PDXK: variants seen among roughly 807,000 people sequenced by gnomAD.
The protein encoded by PDXK is epididymis secretory sperm binding protein Li 1a.
In PDXK, 15 loss-of-function variants were observed where a neutral mutation model predicts 43.2. The ratio of observed to expected loss-of-function variants is 0.35; its 90% confidence interval spans 0.23 to 0.53. PDXK has a LOEUF of 0.53. Ranked by LOEUF, PDXK falls within the 20% of genes least tolerant of loss-of-function variation. The pLI, the probability that PDXK is intolerant of heterozygous loss-of-function variation, is 0.92. For missense variants in PDXK, 343 were observed against 417.0 expected, an observed-to-expected ratio of 0.82 and a Z score of 1.54; for synonymous variants, 172 against 165.4, an observed-to-expected ratio of 1.04 and a Z score of -0.31.
chr21:43,746,325 C>G (rs1480574505), intron 5 of PDXK, among the ~76,000 whole-genome samples, 200 bp downstream of exon 5: 1 of 152,186 alleles, frequency 6.6e-6, no homozygotes, highest in Admixed American at 6.5e-5. Flanking sequence ...AATATCGACA[C>G]CTTTGCCGGC....
intron 7 of PDXK, among the ~76,000 whole-genome samples, chr21:43,752,255 C>G (rs1020918327): frequency 6.6e-6 from 1 of 152,250 alleles, no homozygotes; most frequent in African/African-American, 2.4e-5. Context: ...CTGTCCACCC[C>G]CCAAGGGGGA....
At position 43,734,163 on chromosome 21, in the gene PDXK, T is replaced by A. The variant is rs757775283; in HGVS notation, c.142+40T>A. 3 of 1,556,130 alleles carry A rather than the reference T, an allele frequency of 1.9e-6. No homozygotes were observed. Among genetic ancestry groups the A allele is most frequent in the Admixed American group, 1.7e-5 (1 of 58,572 alleles). On this transcript the variant is annotated intron_variant, in intron 2 of 10. Transcript: ENST00000291565. This position sits in a 1 kb window ranked among gnomAD's most constrained non-coding sequence, Gnocchi z 5.0. ...CCAGCAGCTGGCATAGAGCAGACTGTGGGTGTGAGGGACGGGGCGGAGTGT... is the reference window on the plus strand; with the variant it reads ...CCAGCAGCTGGCATAGAGCAGACTGAGGGTGTGAGGGACGGGGCGGAGTGT...
intron 2 of PDXK, 50 bp from the exon 3 acceptor site, chr21:43,741,617 C>G: frequency 1.3e-6 from 2 of 1,593,506 alleles, no homozygotes; most frequent in Non-Finnish European, 1.7e-6. Context: ...AGCCCACGGC[C>G]CCAGCTGGCC....
chr21:43,733,253 A>ACCCC (rs1226314950), intron 1 of PDXK, among the ~76,000 whole-genome samples: 48 of 56,196 alleles, frequency 8.5e-4, no homozygotes, highest in Admixed American at 1.3e-3. Context: ...CCCCATCCCC[A>ACCCC]CCCCCCCCCC....
At chr21:43,742,325 G>A (rs369870589) in intron 3 of PDXK, among the ~76,000 whole-genome samples, 4 of 152,118 alleles carry the variant, frequency 2.6e-5, no homozygotes, top group East Asian at 3.9e-4. Flanking sequence ...GAGTAAAGGC[G>A]TGCACCACCA....
rs561390843 is a variant in PDXK at position 43,734,045 on chromosome 21, A to G, written c.88-24A>G. 71 of 1,613,232 alleles carry G rather than the reference A, an allele frequency of 4.4e-5. No individual in the cohort carries two copies. Among genetic ancestry groups the G allele is most frequent in the Middle Eastern group, 3.3e-4 (2 of 6,082 alleles). ...CCCCAGACCTGGCTCTCTTACGCCT[A>G]CCTGTTCCTTCTCTGTCTTGCAGGT... On this transcript the variant is annotated intron_variant, in intron 1 of 10. Coordinates refer to ENST00000291565, the MANE Select transcript of PDXK (RefSeq NM_003681.5). This position sits in a 1 kb window ranked among gnomAD's most constrained non-coding sequence, Gnocchi z 5.0.
chr21:43,727,849 G>A (rs2083269981), intron 1 of PDXK, among the ~76,000 whole-genome samples: 1 of 152,210 alleles, frequency 6.6e-6, no homozygotes, highest in African/African-American at 2.4e-5. Context: ...GACGGGGCCC[G>A]AGGTCACACC....
At chr21:43,745,025 C>G (rs796579192) in intron 4 of PDXK, among the ~76,000 whole-genome samples, 1 of 152,216 alleles carries the variant, frequency 6.6e-6, no homozygotes, top group African/African-American at 2.4e-5. Context: ...GAGACTGTTA[C>G]ACGATCCCGC....
chr21:43,734,185 G>T lies in PDXK; in HGVS notation c.142+62G>T. ...CTGTGGGTGTGAGGGACGGGGCGGA[G>T]TGTGGGTGTGAGGGACGGGGCGGAG... is the stretch of plus-strand genomic sequence containing the variant. On this transcript the variant is annotated intron_variant, in intron 2 of 10. Coordinates refer to ENST00000291565, the MANE Select transcript of PDXK (RefSeq NM_003681.5). This position sits in a 1 kb window ranked among gnomAD's most constrained non-coding sequence, Gnocchi z 5.0. 6 of 1,446,584 alleles carry T rather than the reference G, an allele frequency of 4.1e-6. No homozygotes were observed. The South Asian group carries it at 6.8e-5, about 16-fold the overall frequency. 89.6% of individuals were successfully genotyped at this position (1,446,584 alleles called of 1,614,324 possible). A position where few individuals can be genotyped will look rare whatever the true frequency, so the allele number is the denominator to read the frequency against.
At chr21:43,720,706 G>C (rs1057321220) in intron 1 of PDXK, among the ~76,000 whole-genome samples, 1 of 152,150 alleles carries the variant, frequency 6.6e-6, no homozygotes, top group African/African-American at 2.4e-5. Flanking sequence ...ACAGGCTGGC[G>C]GATTGCTTGG....
Position 43,753,724 on chromosome 21 carries a change from G to C in PDXK, c.759+5G>C. The C allele has an allele frequency of 6.2e-7, 1 of 1,609,246 alleles. No homozygotes were observed. Among genetic ancestry groups the C allele is most frequent in the Middle Eastern group, 1.7e-4 (1 of 6,044 alleles). On this transcript the variant is annotated splice_donor_5th_base_variant and intron_variant, in intron 9 of 10. Coordinates refer to ENST00000291565, the MANE Select transcript of PDXK (RefSeq NM_003681.5). ...AAGCACCCCAATAACCTCAAGGTCA[G>C]CCACACGCACCGCTCCCCTCCTCGC... is the stretch of plus-strand genomic sequence containing the variant.
At position 43,719,398 on chromosome 21, in the gene PDXK, AG is replaced by A; in HGVS notation, c.87+18del. On this transcript the variant is annotated intron_variant, in intron 1 of 10. Coordinates refer to ENST00000291565, the MANE Select transcript of PDXK (RefSeq NM_003681.5). The stretch of plus-strand genomic sequence containing the variant: ...CCGCTGCAGGTACGCATCCGCCCGC[AG>A]CCCGGGCTTACGTAACCCGAGCCCG... 1 of 1,517,922 alleles carries A rather than the reference AG, an allele frequency of 6.6e-7. No homozygotes were observed. Among genetic ancestry groups the A allele is most frequent in the Non-Finnish European group, 8.8e-7 (1 of 1,132,890 alleles). The allele number at this position is 1,517,922 out of a possible 1,614,324, so 94.0% of individuals were successfully genotyped here.
chr21:43,730,180 G>A (rs1287943850), intron 1 of PDXK, among the ~76,000 whole-genome samples: 1 of 151,960 alleles, frequency 6.6e-6, no homozygotes, highest in Non-Finnish European at 1.5e-5. Context: ...TGTCACCCAG[G>A]CTAGTTGCAG....
intron 7 of PDXK, among the ~76,000 whole-genome samples, chr21:43,750,953 T>C (rs2083737161): frequency 1.8e-5 from 1 of 54,630 alleles, no homozygotes; most frequent in African/African-American, 9.4e-5. Flanking sequence ...TGTTTGCACA[T>C]GTGTGTGCAT....
In PDXK at chr21:43,743,807, G is replaced by A. The variant is rs895419033; in HGVS notation, c.331G>A (p.Val111Met). Residue 111 changes from valine to methionine, a missense_variant and splice_region_variant, in exon 4 of 11, where the codon GTG (valine) becomes ATG (methionine). Coordinates refer to ENST00000291565, the MANE Select transcript of PDXK (RefSeq NM_003681.5). ...LKQQNPRLVYVCDPVLGDKWD... is the reference protein window; with the variant it reads ...LKQQNPRLVYMCDPVLGDKWD... ...GCAGCAGAACCCCAGGCTGGTGTAC[G>A]GTAGGCAGGGGCCCACCCTCGGGTC... 6 of 1,608,456 alleles carry A rather than the reference G, an allele frequency of 3.7e-6. No homozygotes were observed. The highest frequency in any genetic ancestry group is 1.1e-5 in the South Asian group (1 of 90,848).
At chr21:43,749,163 G>A (rs2083691188) in intron 6 of PDXK, 83 bp downstream of exon 6, 2 of 801,512 alleles carry the variant, frequency 2.5e-6, no homozygotes, top group Non-Finnish European at 4.0e-6. Context: ...GGAGTGCAGT[G>A]GCACGATCAC....
chr21:43,753,577 C>T lies in PDXK; in HGVS notation c.623-6C>T, dbSNP rs1380571411. 7.5e-6 allele frequency: 12 copies of T among 1,609,040 alleles called. No individual in the cohort carries two copies. The highest frequency in any genetic ancestry group is 9.3e-6 in the Non-Finnish European group (11 of 1,176,778). On this transcript the variant is annotated splice_polypyrimidine_tract_variant and splice_region_variant and intron_variant, in intron 8 of 10. Transcript: ENST00000291565. ...CTCAGTGACCTTGCCCATCTTCTCCCCCTAGGGAATCCCGCTGGCTCCGTG... is the reference window on the plus strand; with the variant it reads ...CTCAGTGACCTTGCCCATCTTCTCCTCCTAGGGAATCCCGCTGGCTCCGTG...
intron 1 of PDXK, among the ~76,000 whole-genome samples, chr21:43,727,726 C>T (rs530309481): frequency 3.2e-4 from 49 of 152,280 alleles, no homozygotes; most frequent in African/African-American, 6.5e-4. Context: ...CTCTGCCAGC[C>T]GGGGCACAGG....
intron 4 of PDXK, among the ~76,000 whole-genome samples, chr21:43,744,247 C>T (rs901100345): frequency 2.0e-5 from 3 of 152,088 alleles, no homozygotes; most frequent in Non-Finnish European, 2.9e-5. Flanking sequence ...GGGTCACACC[C>T]AGGCTGGGCC....
Sources: gnomAD v4.1 joint callset for allele counts (sites outside exome capture counted in the v4.1 genomes callset) on GRCh38, gnomAD v4.1.1 for gene constraint, Gnocchi (gnomAD v3.1) non-coding constraint, MANE v1.5 for transcripts, NCBI Gene and HGNC (gene_info 2026-07-23, HGNC 2026-07-21) for gene names.